COL4A3: variants seen among roughly 807,000 people sequenced by gnomAD.
The protein encoded by COL4A3 is collagen type IV alpha 3 chain, also known as collagen alpha-3(IV) chain.
A neutral mutation model predicts 217.4 loss-of-function variants in COL4A3; 135 were observed. The ratio of observed to expected loss-of-function variants is 0.62; its 90% CI spans 0.54 to 0.72. The LOEUF (loss-of-function observed/expected upper bound fraction) is 0.72, where lower values mean the gene tolerates loss of function less well. Among genes scored for constraint, COL4A3 ranks in the 30% least tolerant of loss-of-function variants. COL4A3 has a pLI of 0.00. For synonymous variants in COL4A3, 690 were observed against 736.3 expected, an observed-to-expected ratio of 0.94 and a Z score of 1.02; for missense variants, 1,868 against 2,119.9, an observed-to-expected ratio of 0.88 and a Z score of 2.33.
At chr2:227,234,528 T>C (rs2068583906) in intron 1 of COL4A3, among the ~76,000 whole-genome samples, 1 of 152,146 alleles carries the variant, frequency 6.6e-6, no homozygotes, top group African/African-American at 2.4e-5. Flanking sequence ...TGGATGCAAA[T>C]AAACCAGCTG....
chr2:227,253,621 G>A lies in COL4A3; in HGVS notation c.748G>A (p.Gly250Ser). The A allele has an allele frequency of 1.2e-6, 2 of 1,613,898 alleles. No homozygotes were observed. The highest frequency in any genetic ancestry group is 1.7e-6 in the Non-Finnish European group (2 of 1,179,880). ...PPGTVIVTLT[G>S]PDNRTDLKGE... The stretch of plus-strand genomic sequence containing the variant: ...AGGAACAGTTATTGTGACCCTAACT[G>A]GCCCAGATAACAGAACGGTAACTCT... The change falls in exon 13 of 52, where the codon GGC (glycine) becomes AGC (serine). Residue 250 changes from glycine (G) to serine (S), a missense_variant. This residue lies in a region of COL4A3 where 365 missense variants were observed against 333.8 expected (regional missense o/e 1.09). Coordinates refer to ENST00000396578, the MANE Select transcript of COL4A3 (RefSeq NM_000091.5). This position sits in a 1 kb window ranked among gnomAD's most constrained non-coding sequence, Gnocchi z 4.4.
chr2:227,246,546 T>C (rs2069350484), intron 6 of COL4A3, 139 bp from the exon 7 acceptor site: 2 of 716,256 alleles, frequency 2.8e-6, no homozygotes, highest in East Asian at 2.7e-5. Flanking sequence ...TTCAGCCTCA[T>C]GACCCAGTAG....
Position 227,251,316 on chromosome 2 carries a change from T to G in COL4A3, c.610-20T>G, listed in dbSNP as rs1422561179. 1 of 1,612,998 alleles carries G rather than the reference T, an allele frequency of 6.2e-7. No individual in the cohort carries two copies. The highest frequency in any genetic ancestry group is 8.5e-7 in the Non-Finnish European group (1 of 1,179,764). The stretch of plus-strand genomic sequence containing the variant: ...TTGGATGCATTTCCTGCTGTGATTT[T>G]CATTTGTGGATTTTTCTAGGGCTTT... On this transcript the variant is annotated intron_variant, in intron 10 of 51. Coordinates refer to ENST00000396578, the MANE Select transcript of COL4A3 (RefSeq NM_000091.5).
intron 1 of COL4A3, among the ~76,000 whole-genome samples, chr2:227,219,002 C>CT (rs11461831): frequency 0.45 from 66,614 of 147,868 alleles, 15,983 homozygotes; most frequent in Non-Finnish European, 0.56. Flanking sequence ...CCCATTATTT[C>CT]TTTTTTTTTT....
chr2:227,245,810 T>C, intron 5 of COL4A3, 144 bp from the exon 6 acceptor site: 1 of 732,860 alleles, frequency 1.4e-6, no homozygotes, highest in Non-Finnish European at 2.5e-6. Context: ...AAATTATATG[T>C]AAAACCACAA....
chr2:227,232,383 T>A (rs1364246409), intron 1 of COL4A3, among the ~76,000 whole-genome samples: 1 of 152,238 alleles, frequency 6.6e-6, no homozygotes, highest in African/African-American at 2.4e-5. Context: ...TTTGAATAGA[T>A]ACCCAATAGT....
chr2:227,269,745 G>A (rs1369093227), intron 23 of COL4A3, among the ~76,000 whole-genome samples, 165 bp from the exon 24 acceptor site: 1 of 152,000 alleles, frequency 6.6e-6, no homozygotes, highest in African/African-American at 2.4e-5. Context: ...ATGATCTCTT[G>A]TTCTGTTATT....
chr2:227,165,930 T>G (rs749078213), intron 1 of COL4A3, among the ~76,000 whole-genome samples: 2 of 152,214 alleles, frequency 1.3e-5, no homozygotes, highest in African/African-American at 2.4e-5. Flanking sequence ...CTTTCATATT[T>G]CATGTAGTTT....
chr2:227,170,597 C>G (rs1021637067), intron 1 of COL4A3, among the ~76,000 whole-genome samples: 1 of 152,056 alleles, frequency 6.6e-6, no homozygotes, highest in Non-Finnish European at 1.5e-5. Flanking sequence ...CCCACCGAGT[C>G]CCTCCCACAA....
At position 227,235,842 on chromosome 2, in the gene COL4A3, C is replaced by T. The variant is rs536144243; in HGVS notation, c.88-2126C>T. On this transcript the variant is annotated intron_variant, in intron 1 of 51. Coordinates refer to ENST00000396578, the MANE Select transcript of COL4A3 (RefSeq NM_000091.5). ...AGGCTTGAGTGCAATGGCGCAATCT[C>T]GGCTCACTGCAATCTCCGCCTCCCA... Among the ~76,000 whole-genome samples, 54 of 147,372 alleles carry T rather than the reference C, an allele frequency of 3.7e-4. No individual in the cohort carries two copies. In the East Asian group the frequency reaches 7.6e-3, roughly 21 times the overall value.
chr2:227,255,264 G>A (rs1324941926), intron 15 of COL4A3, among the ~76,000 whole-genome samples: 1 of 152,140 alleles, frequency 6.6e-6, no homozygotes, highest in African/African-American at 2.4e-5. Context: ...CCCAGAGGGA[G>A]GGAAGAGCAG....
chr2:227,188,223 T>C (rs2066103146), intron 1 of COL4A3, among the ~76,000 whole-genome samples: 1 of 150,618 alleles, frequency 6.6e-6, no homozygotes, highest in Non-Finnish European at 1.5e-5. Context: ...TAAAGGACTT[T>C]GTAAAAAAAA....
chr2:227,279,198 C>A (rs1470162431), intron 28 of COL4A3, among the ~76,000 whole-genome samples: 1 of 151,968 alleles, frequency 6.6e-6, no homozygotes, highest in Non-Finnish European at 1.5e-5. Flanking sequence ...CCTGCCTCAG[C>A]CTCCCGAGTA....
rs1055024579 is a variant in COL4A3, at chr2:227,313,239, C to A, written c.*1369C>A. ...TGCTCTGTTAATAATCTCACATATA[C>A]AAGTAGCTTCCCTCCCCTCTAGTTT... On this transcript the variant is annotated 3_prime_UTR_variant, in exon 52 of 52. Transcript: ENST00000396578. The A allele has an allele frequency of 5.9e-5, 9 of 152,602 alleles. No individual in the cohort carries two copies. The highest frequency in any genetic ancestry group is 2.2e-4 in the African/African-American group (9 of 41,444). 9.5% of individuals were successfully genotyped at this position (152,602 alleles called of 1,614,324 possible).
At chr2:227,235,934 T>A (rs6747279) in intron 1 of COL4A3, among the ~76,000 whole-genome samples, 1 of 151,904 alleles carries the variant, frequency 6.6e-6, no homozygotes, top group African/African-American at 2.4e-5. Context: ...CCACCACATC[T>A]GACTAATTTT....
At chr2:227,182,899 A>T (rs761555389) in intron 1 of COL4A3, among the ~76,000 whole-genome samples, 3 of 152,204 alleles carry the variant, frequency 2.0e-5, no homozygotes, top group African/African-American at 7.2e-5. Flanking sequence ...CTGATATAAA[A>T]CCAGAAGACT....
chr2:227,212,565 A>C (rs1255124463), intron 1 of COL4A3, among the ~76,000 whole-genome samples: 4 of 152,192 alleles, frequency 2.6e-5, no homozygotes, highest in African/African-American at 2.4e-5. Context: ...TGAGGTTTCT[A>C]CATATGGAGG....
At chr2:227,279,293 T>C (rs944695224) in intron 28 of COL4A3, among the ~76,000 whole-genome samples, 5 of 151,996 alleles carry the variant, frequency 3.3e-5, no homozygotes, top group African/African-American at 9.7e-5. Flanking sequence ...GTATTTTTAG[T>C]AGAGATGGGG....
At chr2:227,189,207 T>C (rs978526512) in intron 1 of COL4A3, among the ~76,000 whole-genome samples, 3 of 152,124 alleles carry the variant, frequency 2.0e-5, no homozygotes, top group African/African-American at 7.2e-5. Flanking sequence ...AGTTTGACCT[T>C]GATCCTTAGA....
Sources: allele counts gnomAD v4.1 joint callset (sites outside exome capture counted in the v4.1 genomes callset), GRCh38; gene constraint gnomAD v4.1.1; regional missense constraint gnomAD v4.1.1; non-coding constraint Gnocchi (gnomAD v3.1); transcripts MANE v1.5; gene names NCBI Gene and HGNC (gene_info 2026-07-23, HGNC 2026-07-21).